Variants in IPO11 observed in about 807,000 individuals in gnomAD.
The protein encoded by IPO11 is importin 11.
In IPO11, 66 loss-of-function variants were observed where a neutral mutation model predicts 143.2. The observed-to-expected ratio is 0.46, with a 90% CI of 0.38 to 0.57. The LOEUF (loss-of-function observed/expected upper bound fraction) is 0.57, where lower values mean the gene tolerates loss of function less well. IPO11 is among the 20% of genes least tolerant of loss of function. The pLI, the probability that IPO11 is intolerant of heterozygous loss-of-function variation, is 0.00. For synonymous variants in IPO11, 385 were observed against 377.8 expected (o/e 1.02, Z -0.22); for missense variants, 1,026 against 1,141.0 (o/e 0.90, Z 1.45).
chr5:62,444,119 G>A (rs112741762), intron 3 of IPO11, among the ~76,000 whole-genome samples: 3,413 of 144,412 alleles, frequency 0.024, 65 homozygotes, highest in Non-Finnish European at 0.034. Context: ...TTTTTGAGAC[G>A]GAGTCTCGCT....
At position 62,591,692 on chromosome 5, in the gene IPO11, A is replaced by ATG; in HGVS notation, c.2678+20_2678+21insTG. 1 of 1,509,446 alleles carries ATG rather than the reference A, an allele frequency of 6.6e-7. No individual in the cohort carries two copies. 93.5% of individuals were successfully genotyped at this position (1,509,446 alleles called of 1,614,324 possible). Reference sequence around the variant, plus strand: ...TAAAGAGTAGGTGCATTATTTAATTAATCATAATTGGACTTGGGGGATAAT... The same window carrying ATG: ...TAAAGAGTAGGTGCATTATTTAATTATGATCATAATTGGACTTGGGGGATAAT... On this transcript the variant is annotated intron_variant, in intron 28 of 29. Transcript: ENST00000325324.
intron 29 of IPO11, among the ~76,000 whole-genome samples, chr5:62,626,000 AC>A: frequency 6.6e-6 from 1 of 152,028 alleles, no homozygotes; most frequent in East Asian, 1.9e-4. Context: ...CCTAATGTTA[AC>A]ATTGTATGTT....
In IPO11 at chr5:62,510,688, T is replaced by G. The variant is rs535039217; in HGVS notation, c.1782+4331T>G. Among the ~76,000 whole-genome samples the G allele has an allele frequency of 2.0e-5, 3 of 152,160 alleles. No homozygotes were observed. In the South Asian group the frequency reaches 6.2e-4, roughly 32 times the overall value. On this transcript the variant is annotated intron_variant, in intron 19 of 29. Coordinates refer to ENST00000325324, the MANE Select transcript of IPO11 (RefSeq NM_016338.5). ...CTGCTTTGTTATTTTTAATGCCCAG[T>G]TTTTTTCTCCTTCCTTTTATATCTT...
At chr5:62,502,132 C>T (rs1741366343) in intron 16 of IPO11, among the ~76,000 whole-genome samples, 1 of 152,218 alleles carries the variant, frequency 6.6e-6, no homozygotes, top group African/African-American at 2.4e-5. Flanking sequence ...TCTTCTCATT[C>T]ATTTCCCTGT....
In IPO11 at chr5:62,504,650, G is replaced by GA. The variant is rs770164880; in HGVS notation, c.1591-16dup. ...CATTCTAAAATAATTAAAAACTAATGATATACTTTCTTTTAGGTCCGTATT... is the reference window on the plus strand; with the variant it reads ...CATTCTAAAATAATTAAAAACTAATGAATATACTTTCTTTTAGGTCCGTATT... On this transcript the variant is annotated splice_polypyrimidine_tract_variant and intron_variant, in intron 16 of 29. Coordinates refer to ENST00000325324, the MANE Select transcript of IPO11 (RefSeq NM_016338.5). 7.2e-7 allele frequency: 1 copy of GA among 1,390,516 alleles called. No individual in the cohort carries two copies. Among genetic ancestry groups the GA allele is most frequent in the Admixed American group, 2.2e-5 (1 of 46,422 alleles). 86.1% of individuals were successfully genotyped at this position (1,390,516 alleles called of 1,614,324 possible).
At chr5:62,575,912 T>C (rs1028277992) in intron 27 of IPO11, 3 of 152,230 alleles carry the variant, frequency 2.0e-5, no homozygotes, top group East Asian at 1.9e-4. Context: ...AATTTTTTTT[T>C]CCAGGAACAC....
At chr5:62,525,725 G>T (rs181817201) in intron 20 of IPO11, among the ~76,000 whole-genome samples, 1 of 152,208 alleles carries the variant, frequency 6.6e-6, no homozygotes, top group Admixed American at 6.5e-5. Context: ...TCTTGAATCT[G>T]TTCCATAATT....
At position 62,482,357 on chromosome 5, in the gene IPO11, T is replaced by G. The variant is rs573588191; in HGVS notation, c.829-744T>G. Among the ~76,000 whole-genome samples, 54 of 152,352 alleles carry G rather than the reference T, an allele frequency of 3.5e-4. 1 individual carries two copies. The highest frequency in any genetic ancestry group is 1.3e-3 in the African/African-American group (53 of 41,588). On this transcript the variant is annotated intron_variant, in intron 9 of 29. Transcript: ENST00000325324. ...TGGAATGTGTTTGCTCTTCCTTCTC[T>G]AGTTCTTTTAATTGTAATGTAAGGG... is the stretch of plus-strand genomic sequence containing the variant.
intron 5 of IPO11, among the ~76,000 whole-genome samples, chr5:62,463,304 C>T (rs1745440957): frequency 6.6e-6 from 1 of 152,036 alleles, no homozygotes; most frequent in Non-Finnish European, 1.5e-5. Flanking sequence ...CCTTAGCCTC[C>T]CAAAGTGCTA....
At chr5:62,520,480 C>T (rs975702183) in intron 20 of IPO11, among the ~76,000 whole-genome samples, 8 of 151,960 alleles carry the variant, frequency 5.3e-5, no homozygotes, top group South Asian at 2.1e-4. Flanking sequence ...CCCATTAACT[C>T]GTCATTTACA....
chr5:62,584,612 CAAAAAAAA>C (rs56062359), intron 27 of IPO11, among the ~76,000 whole-genome samples: 10 of 58,656 alleles, frequency 1.7e-4, no homozygotes, highest in Admixed American at 1.3e-3. Context: ...AACTGTGCCT[CAAAAAAAA>C]AAAAAAAAAA....
chr5:62,602,364 AATATTATATAT>A (rs1414111496), intron 29 of IPO11, among the ~76,000 whole-genome samples: 1 of 152,212 alleles, frequency 6.6e-6, no homozygotes, highest in Non-Finnish European at 1.5e-5. Flanking sequence ...CTTGCCTTTT[AATATTATATAT>A]AATCGTGAAT....
intron 27 of IPO11, among the ~76,000 whole-genome samples, chr5:62,566,025 T>A (rs1743926888): frequency 6.6e-6 from 1 of 152,212 alleles, no homozygotes; most frequent in African/African-American, 2.4e-5. Context: ...ATCCAGTCTA[T>A]CACTGATGGG....
chr5:62,449,995 A>G lies in IPO11; in HGVS notation c.308A>G (p.Asn103Ser). The change falls in exon 4 of 30, where the codon AAC becomes AGC. Residue 103 changes from asparagine (N) to serine (S), a missense_variant. This residue lies in a region of IPO11 where 429 missense variants were observed against 456.3 expected (regional missense o/e 0.94). Coordinates refer to ENST00000325324, the MANE Select transcript of IPO11 (RefSeq NM_016338.5). ...GLITNFNEPI[N>S]QIATQIAVLI... ...ATCACCAACTTCAATGAACCAATAA[A>G]CCAGGTTAGTGAGAAATGAATGCTA... 1 of 1,592,758 alleles carries G rather than the reference A, an allele frequency of 6.3e-7. No individual in the cohort carries two copies. Among genetic ancestry groups the G allele is most frequent in the Non-Finnish European group, 8.5e-7 (1 of 1,170,474 alleles).
intron 7 of IPO11, among the ~76,000 whole-genome samples, chr5:62,471,465 G>A (rs568669489): frequency 3.8e-4 from 57 of 151,820 alleles, no homozygotes; most frequent in Non-Finnish European, 6.8e-4. Flanking sequence ...TTTTTTTTAA[G>A]TTAAAAATTT....
intron 29 of IPO11, among the ~76,000 whole-genome samples, chr5:62,619,384 A>C (rs1301423037): frequency 6.6e-6 from 1 of 152,238 alleles, no homozygotes; most frequent in Non-Finnish European, 1.5e-5. Context: ...TCTAGAACCT[A>C]GAAAAAAGAA....
chr5:62,572,541 G>GTTTATTTA (rs767768834), intron 27 of IPO11, among the ~76,000 whole-genome samples: 69 of 141,748 alleles, frequency 4.9e-4, no homozygotes, highest in East Asian at 2.5e-3. Context: ...ATGTATATTT[G>GTTTATTTA]TTTGTTTATT....
intron 9 of IPO11, among the ~76,000 whole-genome samples, chr5:62,478,810 G>A (rs564444386): frequency 1.3e-5 from 2 of 152,280 alleles, no homozygotes; most frequent in South Asian, 4.1e-4. Flanking sequence ...AGATGTAGAG[G>A]TTTAGTCACT....
chr5:62,550,432 C>T lies in IPO11; in HGVS notation c.2316C>T (p.Pro772=), dbSNP rs765061539. The stretch of plus-strand genomic sequence containing the variant: ...CACAAATGTTTCAACCGATTTTACC[C>T]TATGTTTTCAAGGGTATTATAGAAG... ...LGPQMFQPIL[P]YVFKGIIEGE... is the part of the protein sequence containing the mutation. The change falls in exon 25 of 30, where the codon CCC becomes CCT. Residue 772 remains proline, a synonymous_variant. Coordinates refer to ENST00000325324, the MANE Select transcript of IPO11 (RefSeq NM_016338.5). The T allele has an allele frequency of 6.2e-7, 1 of 1,612,820 alleles. No homozygotes were observed. The highest frequency in any genetic ancestry group is 8.5e-7 in the Non-Finnish European group (1 of 1,179,256).
Sources: allele counts gnomAD v4.1 joint callset (sites outside exome capture counted in the v4.1 genomes callset), GRCh38; gene constraint gnomAD v4.1.1; regional missense constraint gnomAD v4.1.1; transcripts MANE v1.5; gene names NCBI Gene and HGNC (gene_info 2026-07-23, HGNC 2026-07-21).